Variants in PVT1 observed in about 807,000 individuals in gnomAD.
PVT1 encodes CXCR4/PVT1 fusion.
intron 3 of PVT1, among the ~76,000 whole-genome samples, chr8:127,968,768 C>T (rs1292558311): frequency 2.6e-5 from 4 of 151,980 alleles, no homozygotes; most frequent in Admixed American, 2.0e-4. Context: ...GCTCTTAATC[C>T]AATGAAGGAT....
chr8:127,910,893 T>G (rs199836870), intron 3 of PVT1, among the ~76,000 whole-genome samples: 4 of 140,720 alleles, frequency 2.8e-5, no homozygotes, highest in South Asian at 2.4e-4. Flanking sequence ...GTGTGTGTGT[T>G]TGTGTGTGTG....
chr8:127,814,773 C>T (rs1814640630), intron 2 of PVT1, among the ~76,000 whole-genome samples: 1 of 152,084 alleles, frequency 6.6e-6, no homozygotes, highest in Non-Finnish European at 1.5e-5. Context: ...CTAATCTAAC[C>T]ATCTCCGGAA....
chr8:128,020,710 G>C (rs961879228), intron 4 of PVT1, among the ~76,000 whole-genome samples: 1 of 152,212 alleles, frequency 6.6e-6, no homozygotes, highest in Admixed American at 6.5e-5. Context: ...CTGACCTAAG[G>C]AGCACTGAGG....
chr8:127,863,626 G>A (rs1165427166), intron 2 of PVT1, among the ~76,000 whole-genome samples: 1 of 152,242 alleles, frequency 6.6e-6, no homozygotes, highest in African/African-American at 2.4e-5. Context: ...TTAGGTGTGT[G>A]CTTGTGGGAA....
At chr8:128,060,797 A>AAG (rs1813820885) in intron 4 of PVT1, among the ~76,000 whole-genome samples, 2 of 152,136 alleles carry the variant, frequency 1.3e-5, no homozygotes, top group Non-Finnish European at 2.9e-5. Context: ...TAATTTACAT[A>AAG]CCGTACAATT....
At chr8:128,056,904 C>T (rs184949541) in intron 4 of PVT1, among the ~76,000 whole-genome samples, 5 of 152,296 alleles carry the variant, frequency 3.3e-5, no homozygotes, top group African/African-American at 1.2e-4. Flanking sequence ...TTTTCCTTTC[C>T]CTCCCCAGAA....
At chr8:127,806,638 A>G (rs1298249474) in intron 2 of PVT1, among the ~76,000 whole-genome samples, 2 of 152,204 alleles carry the variant, frequency 1.3e-5, no homozygotes, top group Admixed American at 1.3e-4. Context: ...AATTACCACA[A>G]TCATGGCTTA....
chr8:128,056,756 T>G (rs1813767167), intron 4 of PVT1, among the ~76,000 whole-genome samples: 1 of 152,190 alleles, frequency 6.6e-6, no homozygotes. Flanking sequence ...CTCCAAGAGA[T>G]TGACCTAGAA....
At chr8:127,975,328 TA>T (rs945139867) in intron 3 of PVT1, among the ~76,000 whole-genome samples, 23 of 152,306 alleles carry the variant, frequency 1.5e-4, no homozygotes, top group Admixed American at 5.2e-4. Context: ...ATTATTAGCT[TA>T]AAAAAATTAT....
chr8:127,926,918 G>C (rs6990797), intron 3 of PVT1, among the ~76,000 whole-genome samples: 1 of 152,164 alleles, frequency 6.6e-6, no homozygotes, highest in Admixed American at 6.5e-5. Context: ...AATCGGACAC[G>C]AGGAAAGGTC....
intron 4 of PVT1, among the ~76,000 whole-genome samples, chr8:128,050,087 C>T (rs75320576): frequency 1.3e-4 from 20 of 152,286 alleles, no homozygotes; most frequent in Non-Finnish European, 2.8e-4. Context: ...GAAGTCCTGG[C>T]CTGTGCAGCC....
chr8:127,973,707 G>C (rs144752644), intron 3 of PVT1, among the ~76,000 whole-genome samples: 5,367 of 149,754 alleles, frequency 0.036, 316 homozygotes, highest in African/African-American at 0.13. Flanking sequence ...GGCCAAACAC[G>C]GTGGCTCACA....
chr8:128,022,570 T>C (rs1324986634), intron 4 of PVT1, among the ~76,000 whole-genome samples: 2 of 152,326 alleles, frequency 1.3e-5, no homozygotes, highest in African/African-American at 2.4e-5. Flanking sequence ...TGGTGTCCGG[T>C]TCACTCTTGG....
intron 3 of PVT1, among the ~76,000 whole-genome samples, chr8:127,929,693 G>A (rs1358488955): frequency 1.3e-5 from 2 of 151,978 alleles, no homozygotes; most frequent in Non-Finnish European, 2.9e-5. Flanking sequence ...GCGTGAACCC[G>A]GGAGGCGGAG....
intron 2 of PVT1, among the ~76,000 whole-genome samples, chr8:127,813,098 A>G (rs1814617138): frequency 6.7e-6 from 1 of 149,994 alleles, no homozygotes; most frequent in Non-Finnish European, 1.5e-5. Flanking sequence ...GCCGGTTTGA[A>G]CTTTTCCTGT....
chr8:127,897,759 T>C (rs925941651), intron 3 of PVT1, among the ~76,000 whole-genome samples: 1 of 145,006 alleles, frequency 6.9e-6, no homozygotes, highest in Non-Finnish European at 1.5e-5. Context: ...TTCTGTCCTC[T>C]GAACCTGAGT....
intron 3 of PVT1, among the ~76,000 whole-genome samples, chr8:127,900,046 A>AT (rs1271039198): frequency 6.6e-6 from 1 of 151,714 alleles, no homozygotes; most frequent in East Asian, 1.9e-4. Flanking sequence ...TTATTTATTT[A>AT]TTATTTATTT....
At chr8:127,990,448 A>G (rs1457627642) in intron 4 of PVT1, among the ~76,000 whole-genome samples, 1 of 152,210 alleles carries the variant, frequency 6.6e-6, no homozygotes, top group Non-Finnish European at 1.5e-5. Context: ...CAAAAGAAGA[A>G]AGTTTTTAAA....
At chr8:127,929,237 A>G (rs552643812) in intron 3 of PVT1, among the ~76,000 whole-genome samples, 1 of 147,852 alleles carries the variant, frequency 6.8e-6, no homozygotes, top group South Asian at 2.1e-4. Context: ...CAAAGCTGGC[A>G]TGAGCAAATG....
Sources: gnomAD v4.1 joint callset for allele counts (sites outside exome capture counted in the v4.1 genomes callset) on GRCh38, gnomAD v4.1.1 for gene constraint, MANE v1.5 for transcripts, NCBI Gene and HGNC (gene_info 2026-07-23, HGNC 2026-07-21) for gene names.